The following SUGCT variants were observed in gnomAD, a reference collection of about 807,000 sequenced individuals.
The protein encoded by SUGCT is succinyl-CoA:glutarate-CoA transferase, also known as succinyl-CoA:glutarate CoA-transferase.
SUGCT carries 41 observed loss-of-function variants against 55.0 expected under a neutral mutation model. The observed-to-expected ratio is 0.74, with a 90% CI of 0.58 to 0.97. The LOEUF is 0.97. SUGCT is among the 50% of genes least tolerant of loss of function. The pLI, the probability that SUGCT is intolerant of heterozygous loss-of-function variation, is 0.00. For synonymous variants in SUGCT, 187 were observed against 200.4 expected (o/e 0.93, Z 0.56); for missense variants, 568 against 547.8 (o/e 1.04, Z -0.37).
the SUGCT span, among the ~76,000 whole-genome samples, chr7:41,002,992 G>A: frequency 6.6e-6 from 1 of 152,090 alleles, no homozygotes; most frequent in African/African-American, 2.4e-5. Flanking sequence ...CCTCCTATGG[G>A]CATTCATAAA....
the SUGCT span, among the ~76,000 whole-genome samples, chr7:40,975,585 A>T: frequency 3.9e-5 from 6 of 152,150 alleles, no homozygotes; most frequent in African/African-American, 1.4e-4. Flanking sequence ...TGGCCTTTAA[A>T]AATGTTTTCC....
chr7:40,350,875 A>T (rs758407926), intron 9 of SUGCT, among the ~76,000 whole-genome samples: 13 of 150,394 alleles, frequency 8.6e-5, no homozygotes, highest in Non-Finnish European at 1.8e-4. Flanking sequence ...CTTAGGAGTG[A>T]GAACATGCGG....
At chr7:40,625,403 C>T (rs932011458) in intron 12 of SUGCT, among the ~76,000 whole-genome samples, 10 of 152,136 alleles carry the variant, frequency 6.6e-5, no homozygotes, top group African/African-American at 2.4e-4. Context: ...TCTGAAGCCA[C>T]TCTGCCACTG....
intron 1 of SUGCT, among the ~76,000 whole-genome samples, chr7:40,142,849 A>G (rs1236704607): frequency 6.6e-6 from 1 of 152,208 alleles, no homozygotes; most frequent in East Asian, 1.9e-4. Context: ...TGTAGCCCCT[A>G]ATTACTCAGC....
intron 12 of SUGCT, among the ~76,000 whole-genome samples, chr7:40,579,638 C>T (rs1796964226): frequency 1.3e-5 from 2 of 152,130 alleles, no homozygotes; most frequent in Admixed American, 1.3e-4. Flanking sequence ...GGTGTCGTAG[C>T]ACGTGGGTGT....
the SUGCT span, among the ~76,000 whole-genome samples, chr7:40,922,223 G>C: frequency 4.4e-3 from 671 of 152,238 alleles, 7 homozygotes; most frequent in African/African-American, 0.015. Context: ...CCCCTTTTGG[G>C]CTTAGTAAAG....
intron 8 of SUGCT, among the ~76,000 whole-genome samples, chr7:40,315,751 G>A (rs551639984): frequency 4.9e-4 from 74 of 152,266 alleles, no homozygotes; most frequent in African/African-American, 1.5e-3. Context: ...TTTTCCAATC[G>A]CATCTGACGA....
At chr7:40,977,367 G>T in the SUGCT span, among the ~76,000 whole-genome samples, 2 of 152,212 alleles carry the variant, frequency 1.3e-5, no homozygotes, top group Non-Finnish European at 2.9e-5. Flanking sequence ...AAAATGAATG[G>T]CAATGTCATT....
intron 13 of SUGCT, among the ~76,000 whole-genome samples, chr7:40,841,276 T>C (rs1187306306): frequency 6.6e-6 from 1 of 152,170 alleles, no homozygotes; most frequent in East Asian, 1.9e-4. Flanking sequence ...GACAATAATT[T>C]ATAAATCATT....
At chr7:40,877,025 A>G in the SUGCT span, among the ~76,000 whole-genome samples, 1 of 152,090 alleles carries the variant, frequency 6.6e-6, no homozygotes, top group African/African-American at 2.4e-5. Flanking sequence ...TTTTTCACTT[A>G]GAGCCTAGAC....
At chr7:40,848,489 G>A (rs1217174061) in intron 13 of SUGCT, among the ~76,000 whole-genome samples, 1 of 152,020 alleles carries the variant, frequency 6.6e-6, no homozygotes. Flanking sequence ...TTTCCTCAGT[G>A]CCTCATTTCC....
At chr7:40,567,191 T>C (rs1028446100) in intron 12 of SUGCT, among the ~76,000 whole-genome samples, 1 of 152,208 alleles carries the variant, frequency 6.6e-6, no homozygotes, top group South Asian at 2.1e-4. Flanking sequence ...TTGATAAAAG[T>C]GTATTGATTT....
chr7:40,723,192 A>G (rs1786438695), intron 12 of SUGCT, among the ~76,000 whole-genome samples: 1 of 151,790 alleles, frequency 6.6e-6, no homozygotes, highest in South Asian at 2.1e-4. Context: ...CTGGCTCTGT[A>G]TACACAATCT....
chr7:40,241,119 A>G (rs1789352671), intron 7 of SUGCT, among the ~76,000 whole-genome samples: 1 of 152,188 alleles, frequency 6.6e-6, no homozygotes, highest in Non-Finnish European at 1.5e-5. Context: ...ATACATTATT[A>G]TATGCAAATA....
intron 12 of SUGCT, among the ~76,000 whole-genome samples, chr7:40,589,227 TTTC>T (rs1265999692): frequency 3.3e-5 from 5 of 152,232 alleles, no homozygotes; most frequent in South Asian, 2.1e-4. Flanking sequence ...GTACCTCCTT[TTTC>T]TTCTTATAAT....
At chr7:40,767,468 G>A (rs938230484) in intron 13 of SUGCT, among the ~76,000 whole-genome samples, 2 of 152,198 alleles carry the variant, frequency 1.3e-5, no homozygotes, top group Admixed American at 1.3e-4. Flanking sequence ...AAACCACAGA[G>A]GAGAGTGACA....
the SUGCT span, among the ~76,000 whole-genome samples, chr7:40,890,276 TTAA>T: frequency 7.0e-6 from 1 of 143,244 alleles, no homozygotes; most frequent in Non-Finnish European, 1.5e-5. Flanking sequence ...ATAATATAAA[TTAA>T]ATATTTATAT....
intron 11 of SUGCT, among the ~76,000 whole-genome samples, chr7:40,474,097 T>G (rs1468183883): frequency 2.0e-5 from 3 of 152,154 alleles, no homozygotes; most frequent in African/African-American, 7.2e-5. Flanking sequence ...AATGTTTAAT[T>G]AATGTCAGGG....
At chr7:40,723,385 C>T (rs1012102688) in intron 12 of SUGCT, among the ~76,000 whole-genome samples, 2 of 152,158 alleles carry the variant, frequency 1.3e-5, no homozygotes, top group Non-Finnish European at 2.9e-5. Context: ...CAGTGTTCTT[C>T]TCTTTCTCCG....
Sources: allele counts gnomAD v4.1 joint callset (sites outside exome capture counted in the v4.1 genomes callset), GRCh38; gene constraint gnomAD v4.1.1; transcripts MANE v1.5; gene names NCBI Gene and HGNC (gene_info 2026-07-23, HGNC 2026-07-21).